The following CSMD1 variants were observed in gnomAD, a reference collection of about 807,000 sequenced individuals.
The protein encoded by CSMD1 is CUB and sushi domain-containing protein 1.
In CSMD1, 213 loss-of-function variants were observed where a neutral mutation model predicts 417.5. The ratio of observed to expected loss-of-function variants is 0.51; its 90% CI spans 0.46 to 0.57. CSMD1 has a LOEUF of 0.57. Among genes scored for constraint, CSMD1 ranks in the 20% least tolerant of loss-of-function variants. CSMD1 has a pLI of 0.00. For missense variants in CSMD1, 6,923 were observed against 4,529.7 expected, an observed-to-expected ratio of 1.53 and a Z score of -15.17; for synonymous variants, 2,862 against 1,736.8, an observed-to-expected ratio of 1.65 and a Z score of -16.11.
intron 4 of CSMD1, among the ~76,000 whole-genome samples, chr8:4,022,670 A>C (rs1796849219): frequency 6.6e-6 from 1 of 152,196 alleles, no homozygotes; most frequent in Admixed American, 6.5e-5. Context: ...GAAATGTGGT[A>C]GATTTGGGGG....
intron 50 of CSMD1, among the ~76,000 whole-genome samples, chr8:3,041,288 A>AT (rs1811072940): frequency 6.6e-6 from 1 of 152,266 alleles, no homozygotes; most frequent in South Asian, 2.1e-4. Context: ...CGTAAAATGC[A>AT]TTTTTTCTTG....
chr8:3,929,152 T>C (rs986886554), intron 5 of CSMD1, among the ~76,000 whole-genome samples: 2 of 150,236 alleles, frequency 1.3e-5, no homozygotes, highest in African/African-American at 4.9e-5. Context: ...CTGCCCCCTC[T>C]GGAAGGATAC....
At chr8:3,772,281 A>ATTTAGACATACATATGTACATATC (rs1259324288) in intron 5 of CSMD1, among the ~76,000 whole-genome samples, 13 of 146,364 alleles carry the variant, frequency 8.9e-5, no homozygotes, top group Middle Eastern at 3.6e-3. Flanking sequence ...ATGTACATAT[A>ATTTAGACATACATATGTACATATC]TTTAGACATA....
chr8:4,907,252 T>C (rs12114550), intron 1 of CSMD1, among the ~76,000 whole-genome samples: 2,520 of 152,328 alleles, frequency 0.017, 40 homozygotes, highest in African/African-American at 0.042. Context: ...CTTTTAAGAA[T>C]AAATTATTCT....
At chr8:4,324,513 GTTC>G (rs1191131371) in intron 3 of CSMD1, among the ~76,000 whole-genome samples, 1 of 152,146 alleles carries the variant, frequency 6.6e-6, no homozygotes, top group Non-Finnish European at 1.5e-5. Flanking sequence ...ACAAAAGAGG[GTTC>G]TTCTCCACCC....
chr8:3,166,486 G>A (rs767752956), intron 37 of CSMD1, among the ~76,000 whole-genome samples: 10 of 151,904 alleles, frequency 6.6e-5, no homozygotes, highest in Non-Finnish European at 8.8e-5. Context: ...GTGAGCCAAG[G>A]TCACACCACT....
chr8:3,242,057 G>C (rs1368462623), intron 26 of CSMD1, among the ~76,000 whole-genome samples: 1 of 109,432 alleles, frequency 9.1e-6, no homozygotes, highest in Non-Finnish European at 2.0e-5. Context: ...TTTTATATTT[G>C]ATGAAAAAGA....
chr8:4,415,047 G>A (rs1329209472), intron 3 of CSMD1, among the ~76,000 whole-genome samples: 1 of 152,168 alleles, frequency 6.6e-6, no homozygotes, highest in African/African-American at 2.4e-5. Flanking sequence ...TCGTTTCATA[G>A]TCCAGTGAAA....
chr8:4,243,652 C>T (rs1270860895), intron 3 of CSMD1, among the ~76,000 whole-genome samples: 1 of 152,206 alleles, frequency 6.6e-6, no homozygotes, highest in East Asian at 1.9e-4. Context: ...TTTCTTAAAA[C>T]ACATGTGTGA....
chr8:4,918,921 T>C (rs1280895737), intron 1 of CSMD1, among the ~76,000 whole-genome samples: 1 of 152,138 alleles, frequency 6.6e-6, no homozygotes, highest in East Asian at 1.9e-4. Flanking sequence ...AGTAGTAAAA[T>C]TCTGGGGGGT....
At chr8:3,211,403 C>G (rs1438549550) in intron 30 of CSMD1, among the ~76,000 whole-genome samples, 1 of 152,140 alleles carries the variant, frequency 6.6e-6, no homozygotes, top group African/African-American at 2.4e-5. Flanking sequence ...TCTATAACAG[C>G]TGCTGAGATG....
At chr8:3,630,168 C>T (rs963238230) in intron 7 of CSMD1, among the ~76,000 whole-genome samples, 4 of 152,204 alleles carry the variant, frequency 2.6e-5, no homozygotes, top group African/African-American at 9.7e-5. Context: ...TGACTGAATG[C>T]CTGGTACAGG....
At chr8:3,642,646 G>A (rs369294210) in intron 7 of CSMD1, among the ~76,000 whole-genome samples, 7 of 152,080 alleles carry the variant, frequency 4.6e-5, no homozygotes, top group Admixed American at 3.3e-4. Flanking sequence ...GTTAACGGAC[G>A]GTCGATGGAG....
At chr8:4,905,249 T>G (rs2117061196) in intron 1 of CSMD1, among the ~76,000 whole-genome samples, 1 of 152,252 alleles carries the variant, frequency 6.6e-6, no homozygotes, top group Non-Finnish European at 1.5e-5. Flanking sequence ...AAGTAACACA[T>G]TAACCAGCTA....
chr8:4,987,718 C>T (rs973496749), intron 1 of CSMD1, among the ~76,000 whole-genome samples: 5 of 152,126 alleles, frequency 3.3e-5, no homozygotes, highest in East Asian at 3.9e-4. Flanking sequence ...TTTGAGTCAA[C>T]GGACTGGGAG....
chr8:4,028,689 G>A (rs1242082322), intron 4 of CSMD1, among the ~76,000 whole-genome samples: 2 of 152,066 alleles, frequency 1.3e-5, no homozygotes, highest in Non-Finnish European at 2.9e-5. Flanking sequence ...GGAACCTTTT[G>A]CAAATTAAAA....
intron 28 of CSMD1, among the ~76,000 whole-genome samples, chr8:3,222,978 G>C (rs1308248925): frequency 6.6e-6 from 1 of 152,136 alleles, no homozygotes; most frequent in Non-Finnish European, 1.5e-5. Flanking sequence ...TGTAATCCCA[G>C]ATACTTGTCC....
intron 7 of CSMD1, among the ~76,000 whole-genome samples, chr8:3,637,778 C>G (rs1012480859): frequency 1.3e-5 from 2 of 152,090 alleles, no homozygotes; most frequent in African/African-American, 4.8e-5. Flanking sequence ...CCCATAATTC[C>G]CACATCTTGG....
intron 6 of CSMD1, among the ~76,000 whole-genome samples, chr8:3,752,961 T>A (rs115032837): frequency 0.015 from 2,267 of 152,206 alleles, 72 homozygotes; most frequent in African/African-American, 0.052. Flanking sequence ...ATTACTAAAA[T>A]CTCCAGCAGG....
Sources: allele counts gnomAD v4.1 joint callset (sites outside exome capture counted in the v4.1 genomes callset), GRCh38; gene constraint gnomAD v4.1.1; transcripts MANE v1.5; gene names NCBI Gene and HGNC (gene_info 2026-07-23, HGNC 2026-07-21).